The following SERPINI1 variants were observed in gnomAD, a reference collection of about 807,000 sequenced individuals.
The protein encoded by SERPINI1 is neuroserpin.
SERPINI1 carries 19 observed loss-of-function variants against 41.1 expected under a neutral mutation model. That is an observed-to-expected ratio of 0.46 (90% confidence interval 0.32 to 0.68). The LOEUF (loss-of-function observed/expected upper bound fraction) is 0.68, where lower values mean the gene tolerates loss of function less well. Ranked by LOEUF, SERPINI1 falls within the 30% of genes least tolerant of loss-of-function variation. The probability of loss-of-function intolerance (pLI) is 0.03; values close to 1 mark genes in which losing one functional copy is unlikely to be tolerated. For missense variants in SERPINI1, 460 were observed against 479.2 expected, an observed-to-expected ratio of 0.96 and a Z score of 0.37; for synonymous variants, 138 against 156.6, an observed-to-expected ratio of 0.88 and a Z score of 0.89.
intron 5 of SERPINI1, among the ~76,000 whole-genome samples, chr3:167,798,691 C>T (rs534067942): frequency 1.2e-4 from 19 of 152,216 alleles, no homozygotes; most frequent in African/African-American, 3.9e-4. Flanking sequence ...GGTACTTTTA[C>T]TTCCTATTTT....
intron 7 of SERPINI1, among the ~76,000 whole-genome samples, chr3:167,823,868 A>G (rs931170116): frequency 1.3e-5 from 2 of 152,176 alleles, no homozygotes; most frequent in Non-Finnish European, 2.9e-5. Context: ...ACAATTAACT[A>G]TACTGCAGCA....
chr3:167,815,988 T>G (rs911212945), intron 6 of SERPINI1, among the ~76,000 whole-genome samples: 2 of 152,214 alleles, frequency 1.3e-5, no homozygotes, highest in African/African-American at 4.8e-5. Context: ...GTCAATTTTC[T>G]TGGAACGTCT....
rs140457612 is a variant in SERPINI1 at position 167,810,749 on chromosome 3, G to A, written c.979+3408G>A. Among the ~76,000 whole-genome samples, 70 of 152,230 alleles carry A rather than the reference G, an allele frequency of 4.6e-4. 1 individual carries two copies. In the Middle Eastern group the frequency reaches 0.024, roughly 52 times the overall value. On this transcript the variant is annotated intron_variant, in intron 6 of 8. Transcript: ENST00000446050. ...TGCATCCATGTACTCTTCTTTCCATGAACAATTTCTCTGTATCATGCAATG... is the reference window on the plus strand; with the variant it reads ...TGCATCCATGTACTCTTCTTTCCATAAACAATTTCTCTGTATCATGCAATG...
At chr3:167,799,615 C>T (rs1727837181) in intron 5 of SERPINI1, among the ~76,000 whole-genome samples, 1 of 152,216 alleles carries the variant, frequency 6.6e-6, no homozygotes, top group East Asian at 1.9e-4. Context: ...GAGGAATTGC[C>T]ACACTGTCTT....
At chr3:167,736,788 A>C (rs1332535873) in intron 1 of SERPINI1, among the ~76,000 whole-genome samples, 2 of 152,208 alleles carry the variant, frequency 1.3e-5, no homozygotes, top group Non-Finnish European at 2.9e-5. Flanking sequence ...ATGCTGGGTA[A>C]AGATGAAAGT....
At chr3:167,801,638 C>T (rs1419253732) in intron 5 of SERPINI1, among the ~76,000 whole-genome samples, 1 of 151,888 alleles carries the variant, frequency 6.6e-6, no homozygotes, top group Admixed American at 6.6e-5. Context: ...TGTTCGAGAG[C>T]ATCATGGAAA....
intron 1 of SERPINI1, among the ~76,000 whole-genome samples, chr3:167,758,876 C>T (rs372110254): frequency 2.6e-5 from 4 of 152,102 alleles, no homozygotes; most frequent in African/African-American, 9.6e-5. Context: ...TTTTCAACTT[C>T]TTTGTAAGTC....
At chr3:167,807,700 G>C (rs1711697351) in intron 6 of SERPINI1, among the ~76,000 whole-genome samples, 1 of 152,088 alleles carries the variant, frequency 6.6e-6, no homozygotes, top group African/African-American at 2.4e-5. Context: ...AATCATGTAA[G>C]AAAGAAAGAA....
At position 167,822,605 on chromosome 3, in the gene SERPINI1, TTC is replaced by T. The variant is rs575368895; in HGVS notation, c.980-379_980-378del. On this transcript the variant is annotated intron_variant, in intron 6 of 8. Coordinates refer to ENST00000446050, the MANE Select transcript of SERPINI1 (RefSeq NM_001122752.2). Reference sequence around the variant, plus strand: ...GGAAAAAATTTTTTATTCTGGCTGTTTCTGAATTTTTACTTGTTTTCATTTCA... The same window carrying T: ...GGAAAAAATTTTTTATTCTGGCTGTTTGAATTTTTACTTGTTTTCATTTCA... Among the ~76,000 whole-genome samples the T allele has an allele frequency of 2.5e-3, 377 of 152,218 alleles. 2 individuals carry two copies. Among genetic ancestry groups the T allele is most frequent in the African/African-American group, 8.9e-3 (369 of 41,514 alleles).
intron 1 of SERPINI1, among the ~76,000 whole-genome samples, chr3:167,736,347 G>A (rs1725432606): frequency 6.6e-6 from 1 of 152,172 alleles, no homozygotes; most frequent in Non-Finnish European, 1.5e-5. Flanking sequence ...AGTGCAGGCA[G>A]GAATAGTCAG....
intron 1 of SERPINI1, among the ~76,000 whole-genome samples, chr3:167,755,352 T>C (rs536887619): frequency 6.6e-6 from 1 of 152,342 alleles, no homozygotes; most frequent in South Asian, 2.1e-4. Context: ...TCACTCCTGA[T>C]TTGGAGTAGG....
At chr3:167,741,389 C>T (rs1342656208) in intron 1 of SERPINI1, among the ~76,000 whole-genome samples, 1 of 152,166 alleles carries the variant, frequency 6.6e-6, no homozygotes, top group Non-Finnish European at 1.5e-5. Flanking sequence ...CAATGAGTAC[C>T]TATCAACTTG....
At chr3:167,815,326 A>C (rs904305713) in intron 6 of SERPINI1, among the ~76,000 whole-genome samples, 4 of 152,186 alleles carry the variant, frequency 2.6e-5, no homozygotes, top group African/African-American at 9.6e-5. Flanking sequence ...CTCAAGAAAA[A>C]AAGGCTTCAT....
intron 1 of SERPINI1, among the ~76,000 whole-genome samples, chr3:167,771,802 A>G (rs1016059907): frequency 5.3e-5 from 8 of 152,222 alleles, no homozygotes; most frequent in South Asian, 2.1e-4. Flanking sequence ...GTTTAAAACT[A>G]GATGGACTGT....
chr3:167,812,344 C>T (rs1711921324), intron 6 of SERPINI1, among the ~76,000 whole-genome samples: 2 of 152,192 alleles, frequency 1.3e-5, no homozygotes, highest in Non-Finnish European at 2.9e-5. Context: ...ATTCCATATA[C>T]ACAACTCCTG....
chr3:167,740,541 CA>C (rs1158365512), intron 1 of SERPINI1, among the ~76,000 whole-genome samples: 8 of 152,276 alleles, frequency 5.3e-5, no homozygotes, highest in African/African-American at 1.9e-4. Flanking sequence ...CATCATTTTG[CA>C]AACAAATACA....
At chr3:167,756,597 G>A (rs951969752) in intron 1 of SERPINI1, among the ~76,000 whole-genome samples, 55 of 152,104 alleles carry the variant, frequency 3.6e-4, no homozygotes, top group African/African-American at 8.0e-4. Context: ...GGCATAAGCC[G>A]CAACACCCAG....
In SERPINI1 at chr3:167,760,139, T is replaced by A. The variant is rs186572270; in HGVS notation, c.-19+24316T>A. 4.4e-4 allele frequency among the ~76,000 whole-genome samples: 67 copies of A among 151,778 alleles called. 1 individual carries two copies. In the East Asian group the frequency reaches 9.1e-3, roughly 21 times the overall value. On this transcript the variant is annotated intron_variant, in intron 1 of 8. Coordinates refer to ENST00000446050, the MANE Select transcript of SERPINI1 (RefSeq NM_001122752.2). ...TTGTTGGGGGTCATCTTCAATGAGA[T>A]GAGCTTTGAAAGAAGATTAAAAGTT...
chr3:167,805,101 A>G (rs1280875031), intron 5 of SERPINI1, among the ~76,000 whole-genome samples: 1 of 152,202 alleles, frequency 6.6e-6, no homozygotes, highest in African/African-American at 2.4e-5. Context: ...TAAAACAAAA[A>G]TAAAGACCCA....
Sources: gnomAD v4.1 joint callset for allele counts (sites outside exome capture counted in the v4.1 genomes callset) on GRCh38, gnomAD v4.1.1 for gene constraint, MANE v1.5 for transcripts, NCBI Gene and HGNC (gene_info 2026-07-23, HGNC 2026-07-21) for gene names.